Variants in DRG2 observed in about 807,000 individuals in gnomAD.
The protein encoded by DRG2 is developmentally-regulated GTP-binding protein 2.
In DRG2, 36 loss-of-function variants were observed where a neutral mutation model predicts 53.4. That is an observed-to-expected ratio of 0.67 (90% confidence interval 0.52 to 0.89). The LOEUF (loss-of-function observed/expected upper bound fraction) is 0.89, where lower values mean the gene tolerates loss of function less well. Ranked by LOEUF, DRG2 falls within the 40% of genes least tolerant of loss-of-function variation. The probability of loss-of-function intolerance (pLI) is 0.00; values close to 1 mark genes in which losing one functional copy is unlikely to be tolerated. For synonymous variants in DRG2, 167 were observed against 192.1 expected, an observed-to-expected ratio of 0.87 and a Z score of 1.08; for missense variants, 342 against 481.2, an observed-to-expected ratio of 0.71 and a Z score of 2.71.
In DRG2 at chr17:18,099,129, C is replaced by G. The variant is rs748061500; in HGVS notation, c.376+52C>G. 2 of 1,610,462 alleles carry G rather than the reference C, an allele frequency of 1.2e-6. No homozygotes were observed. The highest frequency in any genetic ancestry group is 1.7e-6 in the Non-Finnish European group (2 of 1,177,688). Reference sequence around the variant, plus strand: ...AGCAGACTGGAGCTCTGTTACTGATCGTTGAAATTGGGTGTGGCTGTCATG... The same window carrying G: ...AGCAGACTGGAGCTCTGTTACTGATGGTTGAAATTGGGTGTGGCTGTCATG... On this transcript the variant is annotated intron_variant, in intron 4 of 12. Coordinates refer to ENST00000225729, the MANE Select transcript of DRG2 (RefSeq NM_001388.5). This position sits in a 1 kb window ranked among gnomAD's most constrained non-coding sequence, Gnocchi z 4.4.
chr17:18,099,094 G>C lies in DRG2; in HGVS notation c.376+17G>C. The C allele has an allele frequency of 6.2e-7, 1 of 1,613,886 alleles. No homozygotes were observed. Among genetic ancestry groups the C allele is most frequent in the African/African-American group, 1.3e-5 (1 of 75,050 alleles). On this transcript the variant is annotated intron_variant, in intron 4 of 12. Transcript: ENST00000225729. The surrounding 1 kb of genome is among the most constrained non-coding windows in gnomAD (Gnocchi z 4.4). Reference sequence around the variant, plus strand: ...CAGCCCAAGGTGGGAGGCAGGGCAGGTGTGTGGGAAGCAGACTGGAGCTCT... The same window carrying C: ...CAGCCCAAGGTGGGAGGCAGGGCAGCTGTGTGGGAAGCAGACTGGAGCTCT...
chr17:18,101,783 C>T, intron 8 of DRG2, 138 bp from the exon 9 acceptor site: 3 of 1,187,684 alleles, frequency 2.5e-6, no homozygotes, highest in East Asian at 2.6e-5. Flanking sequence ...GCCTTCCCAA[C>T]CCTGAGGCAG....
Position 18,098,383 on chromosome 17 carries a change from A to T in DRG2, c.315+24A>T, listed in dbSNP as rs1417531843. The T allele has an allele frequency of 1.9e-6, 3 of 1,604,294 alleles. No homozygotes were observed. The highest frequency in any genetic ancestry group is 1.7e-5 in the Admixed American group (1 of 59,978). On this transcript the variant is annotated intron_variant, in intron 3 of 12. Transcript: ENST00000225729. This position sits in a 1 kb window ranked among gnomAD's most constrained non-coding sequence, Gnocchi z 4.1. ...AAGTAAGTGGGTGTGCTGGGCCCAG[A>T]AGGAGAAGGGGCGCATGCTTGTGTT...
chr17:18,100,781 C>A lies in DRG2; in HGVS notation c.631+122C>A. Reference sequence around the variant, plus strand: ...CAGCAGGTCACCCCCACTGCCCCTGCTGTCCATTCAAGTAGCCTCTGGGCA... The same window carrying A: ...CAGCAGGTCACCCCCACTGCCCCTGATGTCCATTCAAGTAGCCTCTGGGCA... On this transcript the variant is annotated intron_variant, in intron 7 of 12. Coordinates refer to ENST00000225729, the MANE Select transcript of DRG2 (RefSeq NM_001388.5). This position sits in a 1 kb window ranked among gnomAD's most constrained non-coding sequence, Gnocchi z 4.1. 2.1e-6 allele frequency: 2 copies of A among 949,866 alleles called. No individual in the cohort carries two copies. The highest frequency in any genetic ancestry group is 3.2e-6 in the Non-Finnish European group (2 of 619,422). 58.8% of individuals were successfully genotyped at this position (949,866 alleles called of 1,614,324 possible). A position where few individuals can be genotyped will look rare whatever the true frequency, so the allele number is the denominator to read the frequency against.
At chr17:18,104,023 C>G in intron 10 of DRG2, 134 bp downstream of exon 10, 1 of 846,830 alleles carries the variant, frequency 1.2e-6, no homozygotes. Context: ...AGCTCTTTTC[C>G]CTTCTCAGCA....
chr17:18,104,866 G>A (rs866935945), intron 11 of DRG2, among the ~76,000 whole-genome samples, 185 bp downstream of exon 11: 7 of 152,170 alleles, frequency 4.6e-5, no homozygotes, highest in Admixed American at 1.3e-4. Flanking sequence ...GCCATGTGCC[G>A]AGGCTCTGAC....
chr17:18,090,368 T>TTATTTA (rs1258672077), intron 1 of DRG2, among the ~76,000 whole-genome samples: 2,041 of 25,420 alleles, frequency 0.08, 307 homozygotes, highest in Non-Finnish European at 0.12. Context: ...CCGGGCTAAT[T>TTATTTA]TATATATATA....
Position 18,098,476 on chromosome 17 carries a change from G to A in DRG2, c.315+117G>A, listed in dbSNP as rs2045471631. 1.9e-5 allele frequency: 17 copies of A among 913,258 alleles called. No individual in the cohort carries two copies. In the South Asian group the frequency reaches 2.4e-4, roughly 13 times the overall value. 56.6% of individuals were successfully genotyped at this position (913,258 alleles called of 1,614,324 possible). On this transcript the variant is annotated intron_variant, in intron 3 of 12. Coordinates refer to ENST00000225729, the MANE Select transcript of DRG2 (RefSeq NM_001388.5). The surrounding 1 kb of genome is among the most constrained non-coding windows in gnomAD (Gnocchi z 4.1). ...ATGTCCCCATGTCAGGACAGGCTCT[G>A]GACTGAGCTGCTTTGCCCTCCAGCA...
intron 1 of DRG2, among the ~76,000 whole-genome samples, chr17:18,093,098 A>G (rs889322741): frequency 1.3e-5 from 2 of 152,212 alleles, no homozygotes; most frequent in African/African-American, 4.8e-5. Flanking sequence ...GTGACAAGTC[A>G]TGGACTTGGG....
intron 11 of DRG2, chr17:18,106,163 C>T: frequency 2.0e-6 from 1 of 508,388 alleles, no homozygotes. Flanking sequence ...AGGCCCCTGA[C>T]CTTCCCCTGG....
intron 11 of DRG2, 66 bp downstream of exon 11, chr17:18,104,747 G>C: frequency 6.2e-7 from 1 of 1,610,722 alleles, no homozygotes; most frequent in Non-Finnish European, 8.5e-7. Flanking sequence ...GCTCTGTTCT[G>C]CCTGAGGTGC....
At chr17:18,091,907 C>T (rs1204151407) in intron 1 of DRG2, 1 of 152,126 alleles carries the variant, frequency 6.6e-6, no homozygotes, top group Non-Finnish European at 1.5e-5. Context: ...TGTTAATAAC[C>T]CTATTTGCAG....
At position 18,098,220 on chromosome 17, in the gene DRG2, A is replaced by G. The variant is rs1427826908; in HGVS notation, c.226-50A>G. The G allele has an allele frequency of 6.6e-7, 1 of 1,526,540 alleles. No individual in the cohort carries two copies. The highest frequency in any genetic ancestry group is 1.7e-5 in the Admixed American group (1 of 59,396). The allele number at this position is 1,526,540 out of a possible 1,614,324, so 94.6% of individuals were successfully genotyped here. On this transcript the variant is annotated intron_variant, in intron 2 of 12. Coordinates refer to ENST00000225729, the MANE Select transcript of DRG2 (RefSeq NM_001388.5). The surrounding 1 kb of genome is among the most constrained non-coding windows in gnomAD (Gnocchi z 4.1). ...GCCCCCAGCCCCTGGGGCCTCTCCC[A>G]GAAGGCCAGGGACAAGGCTCCTCAG...
At position 18,107,857 on chromosome 17, in the gene DRG2, C is replaced by T. The variant is rs2045671862; in HGVS notation, c.*617C>T. 1 of 152,918 alleles carries T rather than the reference C, an allele frequency of 6.5e-6. No homozygotes were observed. The highest frequency in any genetic ancestry group is 2.4e-5 in the African/African-American group (1 of 41,480). 9.5% of individuals were successfully genotyped at this position (152,918 alleles called of 1,614,324 possible). A position where few individuals can be genotyped will look rare whatever the true frequency, so the allele number is the denominator to read the frequency against. On this transcript the variant is annotated 3_prime_UTR_variant, in exon 13 of 13. Transcript: ENST00000225729. ...GGGCAGCCCCTGCCCAGCACAAAAC[C>T]CCAGGACCCTGGCTCTGCACGCCTG...
chr17:18,090,176 G>A (rs1002827566), intron 1 of DRG2, among the ~76,000 whole-genome samples: 1 of 143,044 alleles, frequency 7.0e-6, no homozygotes, highest in Non-Finnish European at 1.5e-5. Flanking sequence ...GTACCTGACT[G>A]ACACTGAATC....
Position 18,106,459 on chromosome 17 carries a change from C to T in DRG2, c.981C>T (p.Ala327=). ...GCCACCGCATCCACCGGTCACTCGC[C>T]AGCCAGTTCAAGTACGCCCTGGTGT... is the stretch of plus-strand genomic sequence containing the variant. ...HVCHRIHRSL[A]SQFKYALVWG... The change falls in exon 12 of 13, where the codon GCC becomes GCT. Residue 327 remains alanine, a synonymous_variant. Transcript: ENST00000225729. 6.2e-7 allele frequency: 1 copy of T among 1,614,076 alleles called. No homozygotes were observed. Among genetic ancestry groups the T allele is most frequent in the Non-Finnish European group, 8.5e-7 (1 of 1,179,964 alleles).
At position 18,107,174 on chromosome 17, in the gene DRG2, T is replaced by C. The variant is rs1418416180; in HGVS notation, c.1029T>C (p.Ser343=). 6.2e-7 allele frequency: 1 copy of C among 1,613,366 alleles called. No homozygotes were observed. Among genetic ancestry groups the C allele is most frequent in the Middle Eastern group, 1.7e-4 (1 of 6,058 alleles). ...ALVWGTSTKY[S]PQRVGLTHTM... ...CCCAGGGCACCAGCACCAAGTACAG[T>C]CCGCAGCGGGTGGGCCTGACCCACA... The change falls in exon 13 of 13, where the codon AGT becomes AGC. Residue 343 remains serine, a synonymous_variant. Transcript: ENST00000225729.
At chr17:18,104,536 G>A in intron 10 of DRG2, 87 bp from the exon 11 acceptor site, 6 of 1,597,764 alleles carry the variant, frequency 3.8e-6, no homozygotes, top group South Asian at 1.1e-5. Flanking sequence ...AAGGGCCTCT[G>A]TGGCCAGCTC....
chr17:18,097,287 C>T (rs1185474892), intron 2 of DRG2: 1 of 152,216 alleles, frequency 6.6e-6, no homozygotes, highest in African/African-American at 2.4e-5. Flanking sequence ...TTTGGGAACT[C>T]GATGTATTTC....
Sources: allele counts gnomAD v4.1 joint callset (sites outside exome capture counted in the v4.1 genomes callset), GRCh38; gene constraint gnomAD v4.1.1; non-coding constraint Gnocchi (gnomAD v3.1); transcripts MANE v1.5; gene names NCBI Gene and HGNC (gene_info 2026-07-23, HGNC 2026-07-21).